Variants in SLC5A8 observed in about 807,000 individuals in gnomAD.
SLC5A8 encodes the protein solute carrier family 5 member 8.
Under a neutral mutation model 71.9 loss-of-function variants are expected in SLC5A8, and 55 were observed. That is an observed-to-expected ratio of 0.77 (90% CI 0.62 to 0.96). The LOEUF is 0.96. Ranked by LOEUF, SLC5A8 falls within the 40% of genes least tolerant of loss-of-function variation. The pLI is 0.00. For missense variants in SLC5A8, 701 were observed against 745.3 expected, an observed-to-expected ratio of 0.94 and a Z score of 0.69; for synonymous variants, 307 against 276.1, an observed-to-expected ratio of 1.11 and a Z score of -1.11.
chr12:101,187,088 A>AAAC lies in SLC5A8; in HGVS notation c.963+295_963+297dup, dbSNP rs961396749. On this transcript the variant is annotated intron_variant, in intron 7 of 14. Transcript: ENST00000536262. ...TGTGTAGTTTAAAAAACAAACAAAC[A>AAAC]AACAACAACAACAACAAAAAACTGT... Among the ~76,000 whole-genome samples the AAAC allele has an allele frequency of 1.6e-4, 25 of 152,276 alleles. No homozygotes were observed. In the Middle Eastern group the frequency reaches 0.014, roughly 83 times the overall value.
intron 13 of SLC5A8, 119 bp downstream of exon 13, chr12:101,161,855 G>A: frequency 1.3e-6 from 1 of 752,096 alleles, no homozygotes; most frequent in Non-Finnish European, 2.2e-6. Context: ...TAAAACAGAA[G>A]AAATAATTAA....
chr12:101,177,525 A>C (rs529448888), intron 10 of SLC5A8, among the ~76,000 whole-genome samples: 1 of 151,888 alleles, frequency 6.6e-6, no homozygotes, highest in Non-Finnish European at 1.5e-5. Flanking sequence ...ATCCTTCATG[A>C]ACATAGATGT....
rs373683550 is a variant in SLC5A8, at chr12:101,168,140, C to T, written c.1276G>A (p.Gly426Ser). The change falls in exon 11 of 15, where the codon GGC (glycine) becomes AGC (serine). Residue 426 changes from glycine (G) to serine (S), a missense_variant. By Grantham distance (56) the Gly-to-Ser change is moderately conservative (BLOSUM62 0). Transcript: ENST00000536262. ...VFGMVGGPLM[G>S]LFALGILVPF... is the part of the protein sequence containing the mutation. Reference sequence around the variant, plus strand: ...ACCAAAATGCCCAAAGCGAACAGGCCCATAAGTGGTCCACCAACCATACCA... The same window carrying T: ...ACCAAAATGCCCAAAGCGAACAGGCTCATAAGTGGTCCACCAACCATACCA... The T allele has an allele frequency of 1.3e-4, 213 of 1,610,036 alleles. No individual in the cohort carries two copies. Among genetic ancestry groups the T allele is most frequent in the Non-Finnish European group, 1.7e-4 (197 of 1,178,130 alleles).
At chr12:101,195,864 T>C (rs1409043936) in intron 3 of SLC5A8, among the ~76,000 whole-genome samples, 1 of 152,008 alleles carries the variant, frequency 6.6e-6, no homozygotes, top group Non-Finnish European at 1.5e-5. Context: ...GCCCAGCTAA[T>C]TTTTTGTACT....
chr12:101,173,736 C>T (rs2051853580), intron 10 of SLC5A8, among the ~76,000 whole-genome samples: 1 of 152,232 alleles, frequency 6.6e-6, no homozygotes. Flanking sequence ...GGGAAATATG[C>T]TTCTAAGTCC....
At position 101,155,536 on chromosome 12, in the gene SLC5A8, G is replaced by A. The variant is rs552818572; in HGVS notation, c.*1743C>T. 19 of 140,236 alleles carry A rather than the reference G, an allele frequency of 1.4e-4. No individual in the cohort carries two copies. The highest frequency in any genetic ancestry group is 4.9e-4 in the African/African-American group (18 of 36,964). 8.7% of individuals were successfully genotyped at this position (140,236 alleles called of 1,614,324 possible). On this transcript the variant is annotated 3_prime_UTR_variant, in exon 15 of 15. Transcript: ENST00000536262. ...AGATTTCACTCTGTTACCCAGGCTG[G>A]AGTGCAGTGGTGTAATCATAGCTCA... is the stretch of plus-strand genomic sequence containing the variant.
intron 3 of SLC5A8, among the ~76,000 whole-genome samples, chr12:101,195,902 G>A (rs1881628029): frequency 6.6e-6 from 1 of 151,850 alleles, no homozygotes; most frequent in South Asian, 2.1e-4. Flanking sequence ...TCACCATGTT[G>A]GACAGGATGG....
chr12:101,165,177 C>A (rs1285007918), intron 12 of SLC5A8, among the ~76,000 whole-genome samples: 1 of 152,040 alleles, frequency 6.6e-6, no homozygotes, highest in Non-Finnish European at 1.5e-5. Context: ...AGTCCATGCT[C>A]AAAAATTCTT....
intron 10 of SLC5A8, among the ~76,000 whole-genome samples, chr12:101,176,253 G>C (rs1380411373): frequency 6.6e-6 from 1 of 151,796 alleles, no homozygotes; most frequent in Non-Finnish European, 1.5e-5. Flanking sequence ...GAGACAGATA[G>C]GCACATTATA....
chr12:101,193,957 T>G lies in SLC5A8; in HGVS notation c.538-178A>C, dbSNP rs183413073. Among the ~76,000 whole-genome samples, 431 of 152,198 alleles carry G rather than the reference T, an allele frequency of 2.8e-3. 5 individuals carry two copies. The highest frequency in any genetic ancestry group is 3.7e-3 in the Admixed American group (56 of 15,290). ...TACAGAAGGATATATTTAAATCAAG[T>G]CTTCAAACATAAGCAGAGGCAAAGA... On this transcript the variant is annotated intron_variant, in intron 4 of 14. Transcript: ENST00000536262.
chr12:101,170,390 A>G (rs1292385167), intron 10 of SLC5A8, among the ~76,000 whole-genome samples: 2 of 152,142 alleles, frequency 1.3e-5, no homozygotes, highest in African/African-American at 4.8e-5. Context: ...TCCATATAAA[A>G]TAAACATAAG....
chr12:101,206,886 G>T (rs1198100101), intron 1 of SLC5A8, among the ~76,000 whole-genome samples: 1 of 152,080 alleles, frequency 6.6e-6, no homozygotes, highest in Non-Finnish European at 1.5e-5. Flanking sequence ...CACCTATCAG[G>T]ACTACATTTT....
At chr12:101,202,611 C>T (rs1001446901) in intron 2 of SLC5A8, among the ~76,000 whole-genome samples, 7 of 151,716 alleles carry the variant, frequency 4.6e-5, no homozygotes, top group African/African-American at 1.7e-4. Flanking sequence ...ACTGTTAATC[C>T]CTGCATAATT....
chr12:101,165,399 A>G (rs1012038675), intron 12 of SLC5A8, among the ~76,000 whole-genome samples: 6 of 152,076 alleles, frequency 3.9e-5, no homozygotes, highest in Admixed American at 2.0e-4. Context: ...CTTAACCTTC[A>G]ATTAATCTTT....
chr12:101,178,595 T>C (rs2051903005), intron 10 of SLC5A8, among the ~76,000 whole-genome samples: 1 of 152,126 alleles, frequency 6.6e-6, no homozygotes, highest in Admixed American at 6.5e-5. Flanking sequence ...TGGTGCTGGT[T>C]GCACATCCAT....
rs141426258 is a variant in SLC5A8, at chr12:101,209,738, G to C, written c.111C>G (p.Gly37=). The part of the protein sequence containing the change: ...AIGIYYAFAG[G]GQQTSKDFLM... ...GGAAGTCCTTGGAGGTCTGCTGGCC[G>C]CCCCCAGCGAAGGCGTAGTAGATGC... is the stretch of plus-strand genomic sequence containing the variant. Residue 37 remains glycine, a synonymous_variant, in exon 1 of 15, where the codon GGC becomes GGG. Coordinates refer to ENST00000536262, the MANE Select transcript of SLC5A8 (RefSeq NM_145913.5). The C allele has an allele frequency of 6.2e-7, 1 of 1,612,532 alleles. No homozygotes were observed. The highest frequency in any genetic ancestry group is 1.7e-5 in the Admixed American group (1 of 60,008).
intron 2 of SLC5A8, 146 bp downstream of exon 2, chr12:101,204,354 T>A: frequency 1.5e-6 from 1 of 681,012 alleles, no homozygotes; most frequent in Non-Finnish European, 2.6e-6. Context: ...TGCTGTACAG[T>A]GACAAGTGTT....
At chr12:101,208,683 C>CAG (rs1869778993) in intron 1 of SLC5A8, among the ~76,000 whole-genome samples, 1 of 152,188 alleles carries the variant, frequency 6.6e-6, no homozygotes, top group South Asian at 2.1e-4. Flanking sequence ...ATAGAGAAGG[C>CAG]AGAGCTGTTT....
At chr12:101,201,273 T>C (rs1200744027) in intron 3 of SLC5A8, among the ~76,000 whole-genome samples, 4 of 152,206 alleles carry the variant, frequency 2.6e-5, no homozygotes, top group Non-Finnish European at 4.4e-5. Flanking sequence ...AAGAGCACCT[T>C]ACACATGAAG....
Sources: allele counts gnomAD v4.1 joint callset (sites outside exome capture counted in the v4.1 genomes callset), GRCh38; gene constraint gnomAD v4.1.1; transcripts MANE v1.5; gene names NCBI Gene and HGNC (gene_info 2026-07-23, HGNC 2026-07-21).